CELSR1: variants seen among roughly 807,000 people sequenced by gnomAD.
CELSR1 encodes the protein adhesion G protein-coupled receptor C1.
A neutral mutation model predicts 249.1 loss-of-function variants in CELSR1; 110 were observed. The ratio of observed to expected loss-of-function variants is 0.44; its 90% CI spans 0.38 to 0.52. CELSR1 has a LOEUF of 0.52. Among genes scored for constraint, CELSR1 ranks in the 20% least tolerant of loss-of-function variants. The pLI is 0.00. For synonymous variants in CELSR1, 2,113 were observed against 1,900.0 expected, an observed-to-expected ratio of 1.11 and a Z score of -2.92; for missense variants, 4,109 against 4,296.4, an observed-to-expected ratio of 0.96 and a Z score of 1.22.
intron 1 of CELSR1, among the ~76,000 whole-genome samples, chr22:46,515,933 C>T (rs570430870): frequency 7.9e-5 from 12 of 152,234 alleles, no homozygotes; most frequent in African/African-American, 2.4e-4. Context: ...GTTACAATGG[C>T]GATCATTAAA....
intron 25 of CELSR1, 112 bp from the exon 26 acceptor site, chr22:46,369,916 A>T (rs767632469): frequency 2.3e-6 from 2 of 886,524 alleles, no homozygotes; most frequent in Non-Finnish European, 1.8e-6. Flanking sequence ...CTCCCTTCTC[A>T]GAGGAAGGAG....
chr22:46,510,700 T>C (rs189607934), intron 1 of CELSR1, among the ~76,000 whole-genome samples: 3 of 152,356 alleles, frequency 2.0e-5, no homozygotes, highest in African/African-American at 7.2e-5. Flanking sequence ...CCTTTATGCC[T>C]TTTGGTACAG....
Position 46,363,122 on chromosome 22 carries a change from T to C in CELSR1, c.*101A>G. 1 of 1,613,224 alleles carries C rather than the reference T, an allele frequency of 6.2e-7. No individual in the cohort carries two copies. The highest frequency in any genetic ancestry group is 8.5e-7 in the Non-Finnish European group (1 of 1,179,722). ...ACTCCACTTCAAGGGCAGTGGCCCCTTGGGCTCCAAGGTCTGAGGGTGATG... is the reference window on the plus strand; with the variant it reads ...ACTCCACTTCAAGGGCAGTGGCCCCCTGGGCTCCAAGGTCTGAGGGTGATG... On this transcript the variant is annotated 3_prime_UTR_variant, in exon 35 of 35. Coordinates refer to ENST00000674500, the MANE Select transcript of CELSR1 (RefSeq NM_001378328.1). This position sits in a 1 kb window ranked among gnomAD's most constrained non-coding sequence, Gnocchi z 4.3.
Position 46,437,201 on chromosome 22 carries a change from C to T in CELSR1, c.4407-912G>A, listed in dbSNP as rs573175140. ...GGAGATCATCAAATTCTCAGAAATCCTTCTCCCACCCAGGGGCCCCGGGCA... is the reference window on the plus strand; with the variant it reads ...GGAGATCATCAAATTCTCAGAAATCTTTCTCCCACCCAGGGGCCCCGGGCA... On this transcript the variant is annotated intron_variant, in intron 3 of 34. Coordinates refer to ENST00000674500, the MANE Select transcript of CELSR1 (RefSeq NM_001378328.1). The surrounding 1 kb of genome is among the most constrained non-coding windows in gnomAD (Gnocchi z 4.9). 9.2e-5 allele frequency among the ~76,000 whole-genome samples: 14 copies of T among 152,264 alleles called. No homozygotes were observed. In the South Asian group the frequency reaches 2.5e-3, roughly 27 times the overall value.
rs961933810 is a variant in CELSR1 at position 46,447,936 on chromosome 22, C to T, written c.4184-8525G>A. 2.6e-5 allele frequency among the ~76,000 whole-genome samples: 4 copies of T among 152,210 alleles called. No homozygotes were observed. Among genetic ancestry groups the T allele is most frequent in the Admixed American group, 6.5e-5 (1 of 15,292 alleles). Reference sequence around the variant, plus strand: ...CACCCGGCCAGAAAAGCATTCTTAACGGCAAAAGAAAAGCTCCCAGGAGCC... The same window carrying T: ...CACCCGGCCAGAAAAGCATTCTTAATGGCAAAAGAAAAGCTCCCAGGAGCC... On this transcript the variant is annotated intron_variant, in intron 2 of 34. Coordinates refer to ENST00000674500, the MANE Select transcript of CELSR1 (RefSeq NM_001378328.1). The surrounding 1 kb of genome is among the most constrained non-coding windows in gnomAD (Gnocchi z 4.7).
At chr22:46,365,748 A>C in intron 30 of CELSR1, 59 bp from the exon 31 acceptor site, 1 of 1,377,828 alleles carries the variant, frequency 7.3e-7, no homozygotes, top group Non-Finnish European at 1.0e-6. Flanking sequence ...GAGGTGCTGG[A>C]AAGTTCTCTG....
chr22:46,399,892 T>C lies in CELSR1; in HGVS notation c.5237A>G (p.Asn1746Ser). The C allele has an allele frequency of 4.3e-6, 7 of 1,614,036 alleles. No individual in the cohort carries two copies. Among genetic ancestry groups the C allele is most frequent in the Non-Finnish European group, 5.1e-6 (6 of 1,179,928 alleles). Residue 1746 changes from asparagine to serine, a missense_variant, in exon 10 of 35, where the codon AAC becomes AGC. By Grantham distance (46) the Asn-to-Ser change is conservative. This residue lies in a region of CELSR1 where 1,805 missense variants were observed against 1,831.6 expected (regional missense o/e 0.99). Transcript: ENST00000674500. The surrounding 1 kb of genome is among the most constrained non-coding windows in gnomAD (Gnocchi z 5.0). ...PTSFRLQILN[N>S]YLQFEVSHGP... is the part of the protein sequence containing the mutation. The stretch of plus-strand genomic sequence containing the variant: ...GTGGGACACCTCAAACTGGAGGTAG[T>C]TGTTCAGGATCTGGAGCAGGGAGAG...
At chr22:46,486,296 C>T (rs1602201487) in intron 1 of CELSR1, among the ~76,000 whole-genome samples, 1 of 151,386 alleles carries the variant, frequency 6.6e-6, no homozygotes, top group East Asian at 2.0e-4. Flanking sequence ...CGCCTGTAAT[C>T]CCAGCACTTT....
intron 2 of CELSR1, among the ~76,000 whole-genome samples, chr22:46,460,378 C>G (rs1298733080): frequency 2.0e-5 from 3 of 152,178 alleles, no homozygotes; most frequent in Non-Finnish European, 2.9e-5. Flanking sequence ...ACTTCCAGAA[C>G]CTTCTCAGAG....
intron 1 of CELSR1, among the ~76,000 whole-genome samples, chr22:46,532,826 C>T (rs1243459038): frequency 6.6e-6 from 1 of 152,146 alleles, no homozygotes; most frequent in Non-Finnish European, 1.5e-5. Flanking sequence ...TAGTCCCCCT[C>T]CCCAGCACCG....
rs1268331420 is a variant in CELSR1 at position 46,446,143 on chromosome 22, A to C, written c.4184-6732T>G. Among the ~76,000 whole-genome samples the C allele has an allele frequency of 2.0e-5, 3 of 151,594 alleles. No homozygotes were observed. The highest frequency in any genetic ancestry group is 7.3e-5 in the African/African-American group (3 of 41,236). On this transcript the variant is annotated intron_variant, in intron 2 of 34. Coordinates refer to ENST00000674500, the MANE Select transcript of CELSR1 (RefSeq NM_001378328.1). This position sits in a 1 kb window ranked among gnomAD's most constrained non-coding sequence, Gnocchi z 5.5. ...CCACACACCCAGCCCCCTCCACACC[A>C]TACTCACGAGCCTGTGCCGGCCCCA...
At chr22:46,368,788 T>C (rs1036729425) in intron 27 of CELSR1, among the ~76,000 whole-genome samples, 84 of 151,848 alleles carry the variant, frequency 5.5e-4, no homozygotes, top group African/African-American at 1.9e-3. Flanking sequence ...GACAGTGGGG[T>C]GGGGGGGTCT....
chr22:46,391,113 C>A lies in CELSR1; in HGVS notation c.6250+73G>T. 8.2e-7 allele frequency: 1 copy of A among 1,213,770 alleles called. No individual in the cohort carries two copies. The highest frequency in any genetic ancestry group is 1.2e-6 in the Non-Finnish European group (1 of 839,106). 75.2% of individuals were successfully genotyped at this position (1,213,770 alleles called of 1,614,324 possible). A position where few individuals can be genotyped will look rare whatever the true frequency, so the allele number is the denominator to read the frequency against. On this transcript the variant is annotated intron_variant, in intron 16 of 34. Transcript: ENST00000674500. The surrounding 1 kb of genome is among the most constrained non-coding windows in gnomAD (Gnocchi z 4.3). Reference sequence around the variant, plus strand: ...TTTCAACACGAAACATTCCATGAGTCCCCACATCTCGACTGGCTCCTCCCA... The same window carrying A: ...TTTCAACACGAAACATTCCATGAGTACCCACATCTCGACTGGCTCCTCCCA...
chr22:46,391,857 G>T lies in CELSR1; in HGVS notation c.5965-41C>A. On this transcript the variant is annotated intron_variant, in intron 14 of 34. Coordinates refer to ENST00000674500, the MANE Select transcript of CELSR1 (RefSeq NM_001378328.1). This position sits in a 1 kb window ranked among gnomAD's most constrained non-coding sequence, Gnocchi z 4.3. ...GCAGGGCCTGTGACTTCAGATGCCC[G>T]GGAGAGGCCCTACCTTGCAGCGTGT... 1 of 1,579,644 alleles carries T rather than the reference G, an allele frequency of 6.3e-7. No individual in the cohort carries two copies. Among genetic ancestry groups the T allele is most frequent in the Non-Finnish European group, 8.6e-7 (1 of 1,164,622 alleles).
intron 23 of CELSR1, 133 bp downstream of exon 23, chr22:46,378,458 G>A (rs1010046179): frequency 2.1e-5 from 19 of 904,086 alleles, no homozygotes; most frequent in African/African-American, 6.6e-5. Context: ...TTAGTTTGAG[G>A]AGGGGACAGA....
rs1401578699 is a variant in CELSR1, at chr22:46,364,152, C to G, written c.8879G>C (p.Ser2960Thr). ...GGAAGACGTGCGCGAGGATGTGGGG[C>G]TCTGCTCACAGTCGGCCAGCTTCTC... ...LREKLADCEQ[S>T]PTSSRTSSLG... is the part of the protein sequence containing the mutation. The change falls in exon 34 of 35, where the codon AGC (serine) becomes ACC (threonine). Residue 2960 changes from serine (S) to threonine (T), a missense_variant. Transcript: ENST00000674500. 1 of 1,612,400 alleles carries G rather than the reference C, an allele frequency of 6.2e-7. No individual in the cohort carries two copies. Among genetic ancestry groups the G allele is most frequent in the East Asian group, 2.2e-5 (1 of 44,874 alleles).
At chr22:46,516,811 GC>G (rs2080632690) in intron 1 of CELSR1, among the ~76,000 whole-genome samples, 1 of 152,200 alleles carries the variant, frequency 6.6e-6, no homozygotes, top group East Asian at 1.9e-4. Context: ...CCTATGTTGT[GC>G]CAGGCAGGAA....
chr22:46,478,619 T>C (rs532265204), intron 1 of CELSR1, among the ~76,000 whole-genome samples: 7 of 151,646 alleles, frequency 4.6e-5, no homozygotes, highest in African/African-American at 1.7e-4. Flanking sequence ...CTCGGCTCAC[T>C]GCAACCTCTG....
intron 1 of CELSR1, among the ~76,000 whole-genome samples, chr22:46,483,007 A>C (rs1455899604): frequency 1.3e-5 from 2 of 152,162 alleles, no homozygotes; most frequent in African/African-American, 4.8e-5. Context: ...GTCCCAAGCC[A>C]CTCAGCTGTC....
Sources: gnomAD v4.1 joint callset for allele counts (sites outside exome capture counted in the v4.1 genomes callset) on GRCh38, gnomAD v4.1.1 for gene constraint, gnomAD v4.1.1 regional missense constraint, Gnocchi (gnomAD v3.1) non-coding constraint, MANE v1.5 for transcripts, NCBI Gene and HGNC (gene_info 2026-07-23, HGNC 2026-07-21) for gene names.